CLEC16A: variants seen among roughly 807,000 people sequenced by gnomAD.
CLEC16A encodes protein CLEC16A.
In CLEC16A, 51 loss-of-function variants were observed where a neutral mutation model predicts 109.5. The ratio of observed to expected loss-of-function variants is 0.47; its 90% CI spans 0.37 to 0.59. The LOEUF is 0.59. CLEC16A is among the 20% of genes least tolerant of loss of function. The pLI, the probability that CLEC16A is intolerant of heterozygous loss-of-function variation, is 0.00. For synonymous variants in CLEC16A, 673 were observed against 564.2 expected (o/e 1.19, Z -2.73); for missense variants, 1,339 against 1,394.0 (o/e 0.96, Z 0.63).
At position 11,042,956 on chromosome 16, in the gene CLEC16A, C is replaced by G. The variant is rs2047425490; in HGVS notation, c.1770+593C>G. 2.0e-5 allele frequency among the ~76,000 whole-genome samples: 3 copies of G among 150,340 alleles called. No homozygotes were observed. In the East Asian group the frequency reaches 5.8e-4, roughly 29 times the overall value. On this transcript the variant is annotated intron_variant, in intron 15 of 23. Coordinates refer to ENST00000409790, the MANE Select transcript of CLEC16A (RefSeq NM_015226.3). ...ATATACAATATGTAAATATTATACA[C>G]TACGTATATTTACATATGTAATATG...
intron 1 of CLEC16A, among the ~76,000 whole-genome samples, chr16:10,955,090 C>T (rs896958424): frequency 3.3e-5 from 5 of 152,124 alleles, no homozygotes; most frequent in African/African-American, 1.2e-4. Context: ...AGAGGTGAAG[C>T]GCCTTGTCCA....
chr16:11,004,164 T>A (rs1191460840), intron 11 of CLEC16A, among the ~76,000 whole-genome samples: 20 of 152,098 alleles, frequency 1.3e-4, no homozygotes, highest in Admixed American at 1.3e-3. Context: ...TCTGGTCAAT[T>A]TTTCACCTCC....
intron 22 of CLEC16A, among the ~76,000 whole-genome samples, chr16:11,133,796 C>T (rs983251591): frequency 1.3e-5 from 2 of 152,130 alleles, no homozygotes; most frequent in African/African-American, 4.8e-5. Context: ...AATACCCTTT[C>T]TGGAGTCACA....
At chr16:11,017,924 A>T (rs937467771) in intron 11 of CLEC16A, among the ~76,000 whole-genome samples, 1 of 152,088 alleles carries the variant, frequency 6.6e-6, no homozygotes, top group East Asian at 1.9e-4. Context: ...CAGAAAAAAG[A>T]CATTGGGAAA....
At chr16:10,948,086 G>A (rs1040364599) in intron 1 of CLEC16A, among the ~76,000 whole-genome samples, 2 of 152,012 alleles carry the variant, frequency 1.3e-5, no homozygotes, top group Non-Finnish European at 2.9e-5. Context: ...GTAGAGACGG[G>A]GTTTCACCGT....
At chr16:11,035,545 G>T (rs567304356) in intron 13 of CLEC16A, among the ~76,000 whole-genome samples, 1 of 152,118 alleles carries the variant, frequency 6.6e-6, no homozygotes, top group East Asian at 1.9e-4. Context: ...TTCAGGGCTG[G>T]GCTTTCCACT....
intron 19 of CLEC16A, among the ~76,000 whole-genome samples, chr16:11,100,522 T>C (rs891065228): frequency 6.6e-6 from 1 of 152,124 alleles, no homozygotes; most frequent in African/African-American, 2.4e-5. Flanking sequence ...TTTTACAAGA[T>C]TGGGGTTTGG....
rs2042258472 is a variant in CLEC16A at position 10,961,793 on chromosome 16, T to C, written c.210-662T>C. Reference sequence around the variant, plus strand: ...CCAGCCTCCTCTGTTCCGTGACTCTTTTTTAGTCTTCTGTTGTTTTTACGA... The same window carrying C: ...CCAGCCTCCTCTGTTCCGTGACTCTCTTTTAGTCTTCTGTTGTTTTTACGA... On this transcript the variant is annotated intron_variant, in intron 2 of 23. Coordinates refer to ENST00000409790, the MANE Select transcript of CLEC16A (RefSeq NM_015226.3). The surrounding 1 kb of genome is among the most constrained non-coding windows in gnomAD (Gnocchi z 4.3). 6.6e-6 allele frequency among the ~76,000 whole-genome samples: 1 copy of C among 152,148 alleles called. No individual in the cohort carries two copies. The highest frequency in any genetic ancestry group is 2.1e-4 in the South Asian group (1 of 4,830).
intron 22 of CLEC16A, among the ~76,000 whole-genome samples, chr16:11,158,568 C>A (rs114365281): frequency 0.012 from 1,888 of 152,228 alleles, 52 homozygotes; most frequent in African/African-American, 0.043. Flanking sequence ...CTCAAAAGCC[C>A]CCCACCTCCA....
At chr16:11,168,011 C>A (rs974249126) in intron 23 of CLEC16A, among the ~76,000 whole-genome samples, 3 of 152,228 alleles carry the variant, frequency 2.0e-5, no homozygotes, top group Non-Finnish European at 4.4e-5. Flanking sequence ...AGCTTCCTTG[C>A]CCTTGTAGCT....
intron 10 of CLEC16A, among the ~76,000 whole-genome samples, chr16:11,000,530 G>C (rs1231250686): frequency 6.6e-6 from 1 of 152,184 alleles, no homozygotes; most frequent in East Asian, 1.9e-4. Flanking sequence ...GATGCTTCAG[G>C]AGAAGATGAG....
At chr16:11,126,297 G>A (rs1314729000) in intron 22 of CLEC16A, 151 bp downstream of exon 22, 3 of 1,537,470 alleles carry the variant, frequency 2.0e-6, no homozygotes, top group South Asian at 1.2e-5. Context: ...TCAAAGCACA[G>A]CGCAAGATTA....
chr16:11,048,446 T>G (rs1235513627), intron 17 of CLEC16A: 2 of 152,274 alleles, frequency 1.3e-5, no homozygotes, highest in African/African-American at 2.4e-5. Flanking sequence ...ATCCTTCTTG[T>G]GGATATTACC....
At chr16:11,129,147 G>T (rs2053027258) in intron 22 of CLEC16A, among the ~76,000 whole-genome samples, 1 of 152,012 alleles carries the variant, frequency 6.6e-6, no homozygotes, top group Non-Finnish European at 1.5e-5. Context: ...CAGAGTTTTA[G>T]CCTCAGCACC....
rs944414109 is a variant in CLEC16A, at chr16:10,954,115, C to A, written c.81-3667C>A. Among the ~76,000 whole-genome samples the A allele has an allele frequency of 1.3e-5, 2 of 152,180 alleles. No individual in the cohort carries two copies. The highest frequency in any genetic ancestry group is 4.8e-5 in the African/African-American group (2 of 41,442). ...CCACGCAATATCACTGCATACCCAG[C>A]AGATGGCGCCACCGACCAGGGCAAA... On this transcript the variant is annotated intron_variant, in intron 1 of 23. Transcript: ENST00000409790. This position sits in a 1 kb window ranked among gnomAD's most constrained non-coding sequence, Gnocchi z 4.2.
chr16:10,988,935 T>C (rs922388400), intron 10 of CLEC16A, among the ~76,000 whole-genome samples: 1 of 152,190 alleles, frequency 6.6e-6, no homozygotes, highest in Non-Finnish European at 1.5e-5. Flanking sequence ...ACCTTCCACC[T>C]CCTACCTGGG....
chr16:11,090,689 G>C (rs890842011), intron 19 of CLEC16A, among the ~76,000 whole-genome samples: 2 of 152,090 alleles, frequency 1.3e-5, no homozygotes, highest in Non-Finnish European at 2.9e-5. Flanking sequence ...CTGTTGTTCA[G>C]GCTGGAGTGC....
intron 1 of CLEC16A, among the ~76,000 whole-genome samples, chr16:10,945,417 C>A (rs1335847148): frequency 6.6e-6 from 1 of 151,978 alleles, no homozygotes; most frequent in East Asian, 1.9e-4. Context: ...GATTTTGGGG[C>A]GATTGGGGAG....
intron 19 of CLEC16A, among the ~76,000 whole-genome samples, chr16:11,087,863 GA>G (rs1344776986): frequency 6.6e-6 from 1 of 152,256 alleles, no homozygotes; most frequent in Non-Finnish European, 1.5e-5. Flanking sequence ...AGGTGGCTGG[GA>G]GGGGAGGCCT....
Sources: gnomAD v4.1 joint callset for allele counts (sites outside exome capture counted in the v4.1 genomes callset) on GRCh38, gnomAD v4.1.1 for gene constraint, Gnocchi (gnomAD v3.1) non-coding constraint, MANE v1.5 for transcripts, NCBI Gene and HGNC (gene_info 2026-07-23, HGNC 2026-07-21) for gene names.